The following ANP32B variants were observed in gnomAD, a reference collection of about 807,000 sequenced individuals.
ANP32B encodes the protein acidic leucine-rich nuclear phosphoprotein 32 family member B.
Under a neutral mutation model 32.2 loss-of-function variants are expected in ANP32B, and 6 were observed. That is an observed-to-expected ratio of 0.19 (90% CI 0.10 to 0.37). The LOEUF (loss-of-function observed/expected upper bound fraction) is 0.37. Among genes scored for constraint, ANP32B ranks in the 10% least tolerant of loss-of-function variants. ANP32B has a pLI of 1.00. For missense variants in ANP32B, 204 were observed against 289.2 expected (o/e 0.71, Z 2.14); for synonymous variants, 98 against 105.8 (o/e 0.93, Z 0.45).
At chr9:97,997,466 G>A (rs1042093530) in intron 2 of ANP32B, among the ~76,000 whole-genome samples, 14 of 152,120 alleles carry the variant, frequency 9.2e-5, no homozygotes, top group Admixed American at 7.9e-4. Flanking sequence ...TTCTAGGTAC[G>A]TAGCATAATA....
At chr9:97,997,046 T>G (rs1362471202) in intron 2 of ANP32B, among the ~76,000 whole-genome samples, 1 of 152,250 alleles carries the variant, frequency 6.6e-6, no homozygotes, top group Non-Finnish European at 1.5e-5. Flanking sequence ...GTAGATTGCC[T>G]TGTTATTCCT....
In ANP32B at chr9:97,985,715, C is replaced by T. The variant is rs368706327; in HGVS notation, c.54+2106C>T. ...AAAATTCTCAAGAGTAGTGTTCCCT[C>T]TGGGAAACACAGTTGGTCTGCTGTT... On this transcript the variant is annotated intron_variant, in intron 1 of 6. Coordinates refer to ENST00000339399, the MANE Select transcript of ANP32B (RefSeq NM_006401.3). Among the ~76,000 whole-genome samples the T allele has an allele frequency of 5.9e-5, 9 of 152,230 alleles. No individual in the cohort carries two copies. In the East Asian group the frequency reaches 1.2e-3, roughly 20 times the overall value.
chr9:98,001,273 G>T (rs1827987250), intron 3 of ANP32B, among the ~76,000 whole-genome samples: 1 of 150,380 alleles, frequency 6.6e-6, no homozygotes, highest in African/African-American at 2.4e-5. Flanking sequence ...CTCATTGCAA[G>T]CTCCGCCTTC....
At chr9:97,985,682 G>A (rs1198851843) in intron 1 of ANP32B, among the ~76,000 whole-genome samples, 1 of 152,200 alleles carries the variant, frequency 6.6e-6, no homozygotes, top group East Asian at 1.9e-4. Flanking sequence ...TCAAACTAAA[G>A]GTCTTTTAAA....
chr9:97,986,909 T>C (rs375701006), intron 1 of ANP32B: 10 of 152,274 alleles, frequency 6.6e-5, no homozygotes, highest in East Asian at 3.8e-4. Flanking sequence ...AGGGGTTTAA[T>C]TGTAAATATG....
At chr9:98,013,211 C>T (rs1429257214) in intron 6 of ANP32B, among the ~76,000 whole-genome samples, 3 of 152,166 alleles carry the variant, frequency 2.0e-5, no homozygotes, top group Non-Finnish European at 2.9e-5. Context: ...TTAGTAGAGA[C>T]AGGGTTTTGC....
chr9:98,004,099 T>C (rs1003952847), intron 3 of ANP32B, among the ~76,000 whole-genome samples: 1 of 152,220 alleles, frequency 6.6e-6, no homozygotes, highest in African/African-American at 2.4e-5. Context: ...TACACTGATA[T>C]AATAACAAAT....
In ANP32B at chr9:98,015,459, C is replaced by T. The variant is rs770145760; in HGVS notation, c.*28C>T. 33 of 1,547,296 alleles carry T rather than the reference C, an allele frequency of 2.1e-5. No individual in the cohort carries two copies. The South Asian group carries it at 3.7e-4, about 17-fold the overall frequency. ...CCCCAGATGACCTGCAGAAACAGAA[C>T]TGTTCAGTATTGGTTGGACTGCTCA... is the stretch of plus-strand genomic sequence containing the variant. On this transcript the variant is annotated 3_prime_UTR_variant, in exon 7 of 7. Transcript: ENST00000339399.
intron 1 of ANP32B, among the ~76,000 whole-genome samples, chr9:97,991,124 A>T (rs1332306117): frequency 2.1e-5 from 3 of 140,158 alleles, no homozygotes; most frequent in African/African-American, 8.3e-5. Flanking sequence ...TGCCCAGCCA[A>T]ACTTTTTTTT....
chr9:98,009,790 C>T (rs1828148512), intron 4 of ANP32B, among the ~76,000 whole-genome samples: 1 of 152,194 alleles, frequency 6.6e-6, no homozygotes, highest in Non-Finnish European at 1.5e-5. Flanking sequence ...AAAATTAGCA[C>T]ATATGACAGA....
rs1014187759 is a variant in ANP32B, at chr9:97,983,359, C to A, written c.-197C>A. On this transcript the variant is annotated 5_prime_UTR_variant, in exon 1 of 7. Transcript: ENST00000339399. The stretch of plus-strand genomic sequence containing the variant: ...CAGCCCCCTTTTCCCTCCATGGTTT[C>A]TCTCCGCTCCCGTGAGTAACTTGGC... 1 of 540,410 alleles carries A rather than the reference C, an allele frequency of 1.9e-6. No homozygotes were observed. Among genetic ancestry groups the A allele is most frequent in the Non-Finnish European group, 3.3e-6 (1 of 302,448 alleles). The allele number at this position is 540,410 out of a possible 1,614,324, so 33.5% of individuals were successfully genotyped here. A position where few individuals can be genotyped will look rare whatever the true frequency, so the allele number is the denominator to read the frequency against.
At chr9:97,997,793 T>A (rs569462134) in intron 2 of ANP32B, among the ~76,000 whole-genome samples, 1 of 152,342 alleles carries the variant, frequency 6.6e-6, no homozygotes, top group East Asian at 1.9e-4. Context: ...TAGATGTTCT[T>A]CACAATGCTT....
At chr9:97,995,930 TAAAAAA>T (rs570340593) in intron 2 of ANP32B, among the ~76,000 whole-genome samples, 13 of 116,658 alleles carry the variant, frequency 1.1e-4, no homozygotes, top group Non-Finnish European at 2.4e-4. Flanking sequence ...TGTCTCGATT[TAAAAAA>T]AAAAAAAAAA....
Position 97,983,503 on chromosome 9 carries a change from C to T in ANP32B, c.-53C>T. 2 of 1,490,580 alleles carry T rather than the reference C, an allele frequency of 1.3e-6. No individual in the cohort carries two copies. Among genetic ancestry groups the T allele is most frequent in the Non-Finnish European group, 1.8e-6 (2 of 1,100,912 alleles). The allele number at this position is 1,490,580 out of a possible 1,614,324, so 92.3% of individuals were successfully genotyped here. Reference sequence around the variant, plus strand: ...CTGCGCAAGCCGGGACGCCTCTCCCCCCTCCGCCCCCGCCGCGGAAAGTTA... The same window carrying T: ...CTGCGCAAGCCGGGACGCCTCTCCCTCCTCCGCCCCCGCCGCGGAAAGTTA... On this transcript the variant is annotated 5_prime_UTR_variant, in exon 1 of 7. Transcript: ENST00000339399.
intron 1 of ANP32B, among the ~76,000 whole-genome samples, chr9:97,985,877 A>T (rs1011691777): frequency 2.0e-5 from 3 of 151,944 alleles, no homozygotes; most frequent in African/African-American, 7.3e-5. Flanking sequence ...GCTGGAGTGC[A>T]ATGGCACTAT....
intron 2 of ANP32B, among the ~76,000 whole-genome samples, chr9:97,995,816 C>T (rs905346210): frequency 5.3e-5 from 8 of 151,486 alleles, no homozygotes; most frequent in African/African-American, 1.2e-4. Context: ...CCAGCTAGTC[C>T]GGAGGCTGAG....
Position 97,995,441 on chromosome 9 carries a change from G to A in ANP32B, c.204+661G>A, listed in dbSNP as rs936668378. ...AGAATTCTCTGCCATTTCAATATTC[G>A]CTTTACTAGGAAAGTTAAGTTGTAC... On this transcript the variant is annotated intron_variant, in intron 2 of 6. Coordinates refer to ENST00000339399, the MANE Select transcript of ANP32B (RefSeq NM_006401.3). Among the ~76,000 whole-genome samples, 9 of 152,260 alleles carry A rather than the reference G, an allele frequency of 5.9e-5. No homozygotes were observed. The East Asian group carries it at 1.5e-3, about 26-fold the overall frequency.
At chr9:97,984,561 C>G (rs1030909969) in intron 1 of ANP32B, 13 of 138,944 alleles carry the variant, frequency 9.4e-5, no homozygotes, top group African/African-American at 3.3e-4. Flanking sequence ...CCGGGGCGCG[C>G]CACAGGCCGC....
rs188095601 is a variant in ANP32B, at chr9:98,003,296, A to C, written c.328-1668A>C. The stretch of plus-strand genomic sequence containing the variant: ...GTGTGTTCCCTGCATGAATAAAACA[A>C]GTGTGGGAGCCTCTTTCTTCATCAA... On this transcript the variant is annotated intron_variant, in intron 3 of 6. Transcript: ENST00000339399. 2.2e-3 allele frequency among the ~76,000 whole-genome samples: 328 copies of C among 152,330 alleles called. 2 individuals carry two copies. The highest frequency in any genetic ancestry group is 7.6e-3 in the African/African-American group (317 of 41,578).
Sources: allele counts gnomAD v4.1 joint callset (sites outside exome capture counted in the v4.1 genomes callset), GRCh38; gene constraint gnomAD v4.1.1; transcripts MANE v1.5; gene names NCBI Gene and HGNC (gene_info 2026-07-23, HGNC 2026-07-21).